The following PRR16 variants were observed in gnomAD, a reference collection of about 807,000 sequenced individuals.
PRR16 encodes protein Largen.
In PRR16, 6 loss-of-function variants were observed where a neutral mutation model predicts 18.2. The observed-to-expected ratio is 0.33, with a 90% CI of 0.18 to 0.65. PRR16 has a LOEUF of 0.65. Among genes scored for constraint, PRR16 ranks in the 30% least tolerant of loss-of-function variants. The pLI is 0.74. For synonymous variants in PRR16, 151 were observed against 147.8 expected (o/e 1.02, Z -0.16); for missense variants, 412 against 376.6 (o/e 1.09, Z -0.78).
At chr5:120,648,893 A>G (rs1755685378) in intron 1 of PRR16, among the ~76,000 whole-genome samples, 1 of 152,164 alleles carries the variant, frequency 6.6e-6, no homozygotes, top group Non-Finnish European at 1.5e-5. Flanking sequence ...ACAAGAGCAC[A>G]CCTTTATATG....
intron 1 of PRR16, among the ~76,000 whole-genome samples, chr5:120,488,236 C>T (rs1749887525): frequency 6.6e-6 from 1 of 152,108 alleles, no homozygotes; most frequent in Non-Finnish European, 1.5e-5. Context: ...CCAGCTCCTC[C>T]TTGTACCTCT....
chr5:120,621,897 G>A (rs1393346358), intron 1 of PRR16, among the ~76,000 whole-genome samples: 1 of 152,122 alleles, frequency 6.6e-6, no homozygotes, highest in East Asian at 1.9e-4. Context: ...CAGGAAAACA[G>A]ACTAATACAA....
chr5:120,654,971 A>G (rs1755916984), intron 1 of PRR16, among the ~76,000 whole-genome samples: 1 of 151,948 alleles, frequency 6.6e-6, no homozygotes, highest in Admixed American at 6.6e-5. Context: ...ATATAAACAC[A>G]TCTCAAAACA....
chr5:120,744,332 C>T, the PRR16 span, among the ~76,000 whole-genome samples: 3 of 152,158 alleles, frequency 2.0e-5, no homozygotes, highest in African/African-American at 7.2e-5. Context: ...GGACCCTTTA[C>T]GTTTGAAAGT....
At chr5:120,744,162 A>G in the PRR16 span, among the ~76,000 whole-genome samples, 1 of 150,198 alleles carries the variant, frequency 6.7e-6, no homozygotes, top group African/African-American at 2.5e-5. Flanking sequence ...CACTGATCAA[A>G]TTTGTCTCTT....
chr5:120,489,984 C>G (rs979511353), intron 1 of PRR16, among the ~76,000 whole-genome samples: 20 of 152,178 alleles, frequency 1.3e-4, no homozygotes, highest in Non-Finnish European at 2.5e-4. Flanking sequence ...TTGGCCCCCA[C>G]TCTCTTCTGG....
At chr5:120,545,987 C>T (rs1358163761) in intron 1 of PRR16, among the ~76,000 whole-genome samples, 1 of 151,920 alleles carries the variant, frequency 6.6e-6, no homozygotes, top group South Asian at 2.1e-4. Context: ...CTATTAAGGT[C>T]GACATGGACC....
chr5:120,684,068 G>A (rs1757049839), intron 1 of PRR16, among the ~76,000 whole-genome samples: 1 of 152,108 alleles, frequency 6.6e-6, no homozygotes, highest in African/African-American at 2.4e-5. Context: ...TTTAAGATTC[G>A]TTATTTAGGA....
At chr5:120,736,648 G>C in the PRR16 span, among the ~76,000 whole-genome samples, 4 of 145,542 alleles carry the variant, frequency 2.7e-5, no homozygotes, top group Non-Finnish European at 6.0e-5. Flanking sequence ...GATTTTGATG[G>C]ATTACATTGA....
chr5:120,539,889 C>T (rs531227379), intron 1 of PRR16, among the ~76,000 whole-genome samples: 1 of 151,650 alleles, frequency 6.6e-6, no homozygotes, highest in African/African-American at 2.4e-5. Context: ...TAGAGATGAC[C>T]GAGTCATTTT....
chr5:120,472,008 A>G (rs1749285797), intron 1 of PRR16, among the ~76,000 whole-genome samples: 1 of 152,188 alleles, frequency 6.6e-6, no homozygotes, highest in African/African-American at 2.4e-5. Context: ...GGCAAGAAAT[A>G]TTAACACTGT....
intron 1 of PRR16, among the ~76,000 whole-genome samples, chr5:120,521,815 T>TC (rs1165216997): frequency 1.3e-5 from 2 of 152,086 alleles, no homozygotes; most frequent in Admixed American, 6.6e-5. Context: ...ATGCTATCCC[T>TC]CCCCCTTTCC....
At chr5:120,507,485 C>T (rs567793046) in intron 1 of PRR16, among the ~76,000 whole-genome samples, 67 of 152,092 alleles carry the variant, frequency 4.4e-4, no homozygotes, top group Non-Finnish European at 8.1e-4. Flanking sequence ...AGATGGAGTA[C>T]CTCATCAATT....
chr5:120,532,736 A>ATT (rs200262629), intron 1 of PRR16, among the ~76,000 whole-genome samples: 3 of 150,240 alleles, frequency 2.0e-5, no homozygotes, highest in African/African-American at 7.3e-5. Context: ...TTTATTGGAA[A>ATT]TTTTTTTTTT....
chr5:120,563,471 C>A (rs530958430), intron 1 of PRR16, among the ~76,000 whole-genome samples: 2 of 152,326 alleles, frequency 1.3e-5, no homozygotes, highest in Admixed American at 1.3e-4. Context: ...CCTTCCTGCT[C>A]TTCCCTTCCC....
At chr5:120,644,455 A>G (rs1170424229) in intron 1 of PRR16, among the ~76,000 whole-genome samples, 1 of 152,076 alleles carries the variant, frequency 6.6e-6, no homozygotes, top group Non-Finnish European at 1.5e-5. Context: ...AAAGAACCTC[A>G]TGGGATTTGG....
chr5:120,571,256 C>G (rs943737777), intron 1 of PRR16, among the ~76,000 whole-genome samples: 13 of 152,078 alleles, frequency 8.5e-5, no homozygotes, highest in Non-Finnish European at 1.3e-4. Flanking sequence ...AGTTTTTGCA[C>G]AGATGCAGTG....
intron 1 of PRR16, among the ~76,000 whole-genome samples, chr5:120,504,045 A>G (rs975233252): frequency 3.4e-5 from 5 of 149,142 alleles, no homozygotes; most frequent in Non-Finnish European, 6.0e-5. Flanking sequence ...TTATTATTAT[A>G]TAAGTTTTAG....
At chr5:120,496,740 C>T (rs141427854) in intron 1 of PRR16, among the ~76,000 whole-genome samples, 4 of 151,768 alleles carry the variant, frequency 2.6e-5, no homozygotes, top group African/African-American at 7.2e-5. Flanking sequence ...TAACTTCCTT[C>T]TGCTTGCTTT....
Sources: gnomAD v4.1 joint callset for allele counts (sites outside exome capture counted in the v4.1 genomes callset) on GRCh38, gnomAD v4.1.1 for gene constraint, MANE v1.5 for transcripts, NCBI Gene and HGNC (gene_info 2026-07-23, HGNC 2026-07-21) for gene names.